The following STAT3 variants were observed in gnomAD, a reference collection of about 807,000 sequenced individuals.
The protein encoded by STAT3 is signal transducer and activator of transcription 3.
Under a neutral mutation model 114.3 loss-of-function variants are expected in STAT3, and 7 were observed. The observed-to-expected ratio is 0.06, with a 90% CI of 0.03 to 0.11. The LOEUF (loss-of-function observed/expected upper bound fraction) is 0.11, where lower values mean the gene tolerates loss of function less well. Among genes scored for constraint, STAT3 ranks in the 10% least tolerant of loss-of-function variants. The pLI, the probability that STAT3 is intolerant of heterozygous loss-of-function variation, is 1.00. For synonymous variants in STAT3, 331 were observed against 354.5 expected, an observed-to-expected ratio of 0.93 and a Z score of 0.74; for missense variants, 364 against 960.9, an observed-to-expected ratio of 0.38 and a Z score of 8.21.
At chr17:42,380,348 C>T (rs2084710692) in intron 1 of STAT3, among the ~76,000 whole-genome samples, 1 of 149,746 alleles carries the variant, frequency 6.7e-6, no homozygotes. Context: ...ATTCCACCTG[C>T]CCCTATGTAT....
intron 10 of STAT3, among the ~76,000 whole-genome samples, chr17:42,332,609 G>A (rs1001652979): frequency 3.3e-5 from 5 of 150,632 alleles, no homozygotes; most frequent in African/African-American, 4.9e-5. Flanking sequence ...TTTGGAGGCC[G>A]GGGTGGGTGG....
intron 23 of STAT3, chr17:42,316,338 C>T (rs1598379214): frequency 4.2e-5 from 15 of 360,140 alleles, no homozygotes; most frequent in South Asian, 2.2e-4. Context: ...CAGGCTCAAG[C>T]GATCCTCCCA....
intron 1 of STAT3, among the ~76,000 whole-genome samples, chr17:42,374,838 A>C (rs1392152870): frequency 6.6e-6 from 1 of 152,222 alleles, no homozygotes; most frequent in Non-Finnish European, 1.5e-5. Context: ...CCTGTTTTTA[A>C]ATCTCATCTC....
chr17:42,323,947 A>T (rs1006484107), intron 17 of STAT3, among the ~76,000 whole-genome samples: 10 of 152,206 alleles, frequency 6.6e-5, no homozygotes, highest in African/African-American at 1.9e-4. Flanking sequence ...AGACAGGTGT[A>T]TTTGGTGGCA....
At chr17:42,332,975 T>G (rs1311087764) in intron 10 of STAT3, among the ~76,000 whole-genome samples, 1 of 152,116 alleles carries the variant, frequency 6.6e-6, no homozygotes, top group Non-Finnish European at 1.5e-5. Flanking sequence ...CACACCAGCC[T>G]GGGTGAGAGT....
intron 1 of STAT3, among the ~76,000 whole-genome samples, chr17:42,381,600 C>CG (rs2084802034): frequency 6.6e-6 from 1 of 151,788 alleles, no homozygotes; most frequent in South Asian, 2.1e-4. Flanking sequence ...GGCGTGGTGG[C>CG]GGGCGCCTGT....
At position 42,333,611 on chromosome 17, in the gene STAT3, C is replaced by T. The variant is rs947154464; in HGVS notation, c.1049+62G>A. 2.1e-5 allele frequency: 34 copies of T among 1,586,988 alleles called. No homozygotes were observed. The highest frequency in any genetic ancestry group is 2.9e-5 in the Non-Finnish European group (33 of 1,156,746). Reference sequence around the variant, plus strand: ...AGAATGACCCTGGCCACCAACTCTACCCTCACCCTAACAGTGTCCCTCAGT... The same window carrying T: ...AGAATGACCCTGGCCACCAACTCTATCCTCACCCTAACAGTGTCCCTCAGT... On this transcript the variant is annotated intron_variant, in intron 10 of 23. Transcript: ENST00000264657. The surrounding 1 kb of genome is among the most constrained non-coding windows in gnomAD (Gnocchi z 5.2).
rs1321969195 is a variant in STAT3 at position 42,338,539 on chromosome 17, C to CT, written c.550+191dup. ...TACTCCTTGACCTGAGGGAATACTC[C>CT]TGGACCTGAGGGAATACTCCTGGAC... On this transcript the variant is annotated intron_variant, in intron 6 of 23. Transcript: ENST00000264657. 8.8e-4 allele frequency among the ~76,000 whole-genome samples: 81 copies of CT among 92,236 alleles called. 5 individuals are homozygous for CT. The highest frequency in any genetic ancestry group is 1.4e-3 in the Non-Finnish European group (53 of 37,534). 60.5% of individuals were successfully genotyped at this position (92,236 alleles called of 152,430 possible).
chr17:42,321,497 C>T (rs901348390), intron 21 of STAT3, among the ~76,000 whole-genome samples: 4 of 152,108 alleles, frequency 2.6e-5, no homozygotes, highest in Non-Finnish European at 5.9e-5. Flanking sequence ...TCAATAGTTG[C>T]ACACTCTAAA....
At chr17:42,354,985 GTCT>G (rs954464389) in intron 1 of STAT3, among the ~76,000 whole-genome samples, 1 of 152,016 alleles carries the variant, frequency 6.6e-6, no homozygotes, top group African/African-American at 2.4e-5. Flanking sequence ...TACTTCCATA[GTCT>G]TCTCCTTACA....
chr17:42,353,853 C>A (rs1415656802), intron 1 of STAT3, among the ~76,000 whole-genome samples: 1 of 152,116 alleles, frequency 6.6e-6, no homozygotes, highest in Non-Finnish European at 1.5e-5. Flanking sequence ...GGACTGCAGG[C>A]ATGAGGCATC....
In STAT3 at chr17:42,388,438, G is replaced by A. The variant is rs2085235511; in HGVS notation, c.-183C>T. On this transcript the variant is annotated 5_prime_UTR_variant, in exon 1 of 24. Transcript: ENST00000264657. ...CCGGTTGGGGCTTGTTCCCTCGGCTGCGACGTCGGAACCCCCGGCTCCCCC... is the reference window on the plus strand; with the variant it reads ...CCGGTTGGGGCTTGTTCCCTCGGCTACGACGTCGGAACCCCCGGCTCCCCC... The A allele has an allele frequency of 2.4e-6, 3 of 1,231,890 alleles. No individual in the cohort carries two copies. The highest frequency in any genetic ancestry group is 1.5e-5 in the African/African-American group (1 of 64,550). 76.3% of individuals were successfully genotyped at this position (1,231,890 alleles called of 1,614,324 possible). A position where few individuals can be genotyped will look rare whatever the true frequency, so the allele number is the denominator to read the frequency against.
intron 5 of STAT3, among the ~76,000 whole-genome samples, chr17:42,339,013 A>C (rs2082330959): frequency 6.6e-6 from 1 of 152,116 alleles, no homozygotes; most frequent in Non-Finnish European, 1.5e-5. Flanking sequence ...GCACTTTGAG[A>C]GGCTGAGTTG....
At chr17:42,338,907 A>G in intron 5 of STAT3, 95 bp from the exon 6 acceptor site, 1 of 1,140,134 alleles carries the variant, frequency 8.8e-7, no homozygotes, top group Non-Finnish European at 1.3e-6. Flanking sequence ...AAATGAAGCC[A>G]AAACCTCAAA....
At position 42,333,696 on chromosome 17, in the gene STAT3, G is replaced by A. The variant is rs539947939; in HGVS notation, c.1026C>T (p.Gly342=). The A allele has an allele frequency of 5.0e-6, 8 of 1,614,102 alleles. No individual in the cohort carries two copies. The highest frequency in any genetic ancestry group is 4.0e-5 in the African/African-American group (3 of 75,022). The change falls in exon 10 of 24, where the codon GGC becomes GGT. Residue 342 remains glycine, a synonymous_variant. Coordinates refer to ENST00000264657, the MANE Select transcript of STAT3 (RefSeq NM_139276.3). The surrounding 1 kb of genome is among the most constrained non-coding windows in gnomAD (Gnocchi z 5.2). ...ACCTGACTTTAGTAGTGAACTGGAC[G>A]CCGGTCTTGATGACGAGGGGCCGGT... is the stretch of plus-strand genomic sequence containing the variant. The part of the protein sequence containing the change: ...HPDRPLVIKT[G]VQFTTKVRLL...
chr17:42,380,462 G>A (rs757821257), intron 1 of STAT3, among the ~76,000 whole-genome samples: 3 of 151,158 alleles, frequency 2.0e-5, no homozygotes, highest in Non-Finnish European at 4.4e-5. Flanking sequence ...TCGGTTCACC[G>A]CAACCTCCGC....
chr17:42,367,463 C>G (rs937413027), intron 1 of STAT3, among the ~76,000 whole-genome samples: 1 of 152,122 alleles, frequency 6.6e-6, no homozygotes, highest in Non-Finnish European at 1.5e-5. Flanking sequence ...CTCTCTTTGC[C>G]TCCTTCCCTA....
intron 1 of STAT3, among the ~76,000 whole-genome samples, chr17:42,349,740 T>C (rs948492014): frequency 6.6e-6 from 1 of 152,152 alleles, no homozygotes; most frequent in Non-Finnish European, 1.5e-5. Flanking sequence ...GAAATATCAA[T>C]AGAGGCCAAG....
At chr17:42,331,303 C>G (rs2082001035) in intron 11 of STAT3, among the ~76,000 whole-genome samples, 169 bp downstream of exon 11, 1 of 152,160 alleles carries the variant, frequency 6.6e-6, no homozygotes, top group South Asian at 2.1e-4. Flanking sequence ...AGCTTTGTGG[C>G]TTTGTTCAGA....
Sources: allele counts gnomAD v4.1 joint callset (sites outside exome capture counted in the v4.1 genomes callset), GRCh38; gene constraint gnomAD v4.1.1; non-coding constraint Gnocchi (gnomAD v3.1); transcripts MANE v1.5; gene names NCBI Gene and HGNC (gene_info 2026-07-23, HGNC 2026-07-21).